Variants in COL5A2 observed in about 807,000 individuals in gnomAD.
COL5A2 encodes collagen alpha-2(V) chain.
Under a neutral mutation model 208.2 loss-of-function variants are expected in COL5A2, and 23 were observed. The observed-to-expected ratio is 0.11, with a 90% CI of 0.08 to 0.16. The LOEUF (loss-of-function observed/expected upper bound fraction) is 0.16, where lower values mean the gene tolerates loss of function less well. COL5A2 is among the 10% of genes least tolerant of loss of function. The probability of loss-of-function intolerance (pLI) is 1.00; values close to 1 mark genes in which losing one functional copy is unlikely to be tolerated. For missense variants in COL5A2, 1,590 were observed against 1,956.4 expected (o/e 0.81, Z 3.53); for synonymous variants, 625 against 628.5 (o/e 0.99, Z 0.08).
the COL5A2 span, among the ~76,000 whole-genome samples, chr2:189,373,204 G>A: frequency 6.6e-6 from 1 of 152,084 alleles, no homozygotes; most frequent in Non-Finnish European, 1.5e-5. Context: ...TATCTCAGCA[G>A]GGAAAATATG....
At chr2:189,143,844 G>T (rs1347198445) in intron 1 of COL5A2, among the ~76,000 whole-genome samples, 1 of 152,072 alleles carries the variant, frequency 6.6e-6, no homozygotes, top group East Asian at 1.9e-4. Context: ...AGGAAGAAAT[G>T]AAGACATTAT....
intron 17 of COL5A2, 150 bp from the exon 18 acceptor site, chr2:189,072,243 T>C: frequency 1.5e-6 from 1 of 646,264 alleles, no homozygotes; most frequent in South Asian, 1.9e-5. Context: ...GCTAATTTCA[T>C]TATAAGTACC....
the COL5A2 span, among the ~76,000 whole-genome samples, chr2:189,320,285 C>T: frequency 6.6e-6 from 1 of 152,198 alleles, no homozygotes; most frequent in Non-Finnish European, 1.5e-5. Context: ...GAATGCAGCT[C>T]CTCACCAGCA....
chr2:189,063,481 A>G (rs1686079590), intron 26 of COL5A2, among the ~76,000 whole-genome samples: 1 of 152,204 alleles, frequency 6.6e-6, no homozygotes, highest in African/African-American at 2.4e-5. Flanking sequence ...CTTATTCTAG[A>G]TATGAGCTTC....
At chr2:189,378,619 G>A in the COL5A2 span, among the ~76,000 whole-genome samples, 1 of 151,920 alleles carries the variant, frequency 6.6e-6, no homozygotes, top group Non-Finnish European at 1.5e-5. Context: ...AGCTACTCGG[G>A]AGGCTGAGGC....
chr2:189,360,371 A>G, the COL5A2 span, among the ~76,000 whole-genome samples: 3 of 152,150 alleles, frequency 2.0e-5, no homozygotes, highest in African/African-American at 7.2e-5. Flanking sequence ...AGCAAAAACA[A>G]AAACAAAACT....
chr2:189,430,313 G>C, the COL5A2 span, among the ~76,000 whole-genome samples: 1 of 152,176 alleles, frequency 6.6e-6, no homozygotes, highest in African/African-American at 2.4e-5. Context: ...AACAAAGGAA[G>C]CTAAACTAAA....
At chr2:189,227,719 T>C (rs888775225), upstream of COL5A2, among the ~76,000 whole-genome samples, 2 of 151,798 alleles carry the variant, frequency 1.3e-5, no homozygotes, top group African/African-American at 4.8e-5. Flanking sequence ...AAAGCAAATA[T>C]TGACAGAAGT....
At chr2:189,100,291 G>T (rs55905390) in intron 3 of COL5A2, 152 bp from the exon 4 acceptor site, 3 of 657,904 alleles carry the variant, frequency 4.6e-6, no homozygotes, top group South Asian at 3.8e-5. Flanking sequence ...ACAATTTTTA[G>T]GATATTTAGT....
intron 1 of COL5A2, among the ~76,000 whole-genome samples, chr2:189,165,841 C>T (rs1410051300): frequency 6.6e-6 from 1 of 152,158 alleles, no homozygotes; most frequent in Non-Finnish European, 1.5e-5. Flanking sequence ...CAATTTAAAA[C>T]AAAAACTCAT....
chr2:189,138,413 C>T (rs918443576), intron 1 of COL5A2, among the ~76,000 whole-genome samples: 4 of 152,162 alleles, frequency 2.6e-5, no homozygotes, highest in Admixed American at 6.5e-5. Flanking sequence ...TCTTCTCAGG[C>T]GATTCTACTG....
At chr2:189,439,395 AT>A in the COL5A2 span, among the ~76,000 whole-genome samples, 2 of 152,220 alleles carry the variant, frequency 1.3e-5, no homozygotes, top group Non-Finnish European at 2.9e-5. Flanking sequence ...CCTTCTGTAT[AT>A]AGGCTATGCT....
the COL5A2 span, among the ~76,000 whole-genome samples, chr2:189,419,925 A>G: frequency 7.3e-6 from 1 of 137,554 alleles, no homozygotes; most frequent in African/African-American, 2.8e-5. Flanking sequence ...GAAGAAGGAG[A>G]GGGGAGGAGA....
chr2:189,399,911 G>A, the COL5A2 span, among the ~76,000 whole-genome samples: 1 of 152,020 alleles, frequency 6.6e-6, no homozygotes, highest in Non-Finnish European at 1.5e-5. Context: ...ATGTTGCCCA[G>A]GCTATTCCCA....
intron 44 of COL5A2, 43 bp from the exon 45 acceptor site, chr2:189,048,305 GA>G: frequency 3.2e-6 from 5 of 1,566,776 alleles, no homozygotes; most frequent in Non-Finnish European, 4.4e-6. Context: ...ACTGAGTAAT[GA>G]AAAAAATCCT....
chr2:189,352,810 A>G, the COL5A2 span, among the ~76,000 whole-genome samples: 27 of 152,224 alleles, frequency 1.8e-4, no homozygotes, highest in African/African-American at 6.5e-4. Flanking sequence ...CCATTTGTCA[A>G]TGTTGGCTTC....
the COL5A2 span, among the ~76,000 whole-genome samples, chr2:189,330,692 G>A: frequency 1.3e-5 from 2 of 152,170 alleles, no homozygotes; most frequent in Admixed American, 6.5e-5. Flanking sequence ...GGAAATTCCT[G>A]ATCTTGCCCT....
chr2:189,367,107 G>T, the COL5A2 span, among the ~76,000 whole-genome samples: 16 of 152,116 alleles, frequency 1.1e-4, no homozygotes, highest in Middle Eastern at 3.2e-3. Flanking sequence ...AGAAAACTAC[G>T]TAAGACTATA....
the COL5A2 span, among the ~76,000 whole-genome samples, chr2:189,360,863 T>G: frequency 6.6e-6 from 1 of 152,164 alleles, no homozygotes. Context: ...AGTGAGAACA[T>G]GCAGTGTTTG....
Sources: gnomAD v4.1 joint callset for allele counts (sites outside exome capture counted in the v4.1 genomes callset) on GRCh38, gnomAD v4.1.1 for gene constraint, MANE v1.5 for transcripts, NCBI Gene and HGNC (gene_info 2026-07-23, HGNC 2026-07-21) for gene names.